The following DGKB variants were observed in gnomAD, a reference collection of about 807,000 sequenced individuals.
DGKB encodes diacylglycerol kinase beta.
In DGKB, 67 loss-of-function variants were observed where a neutral mutation model predicts 114.3. That is an observed-to-expected ratio of 0.59 (90% CI 0.48 to 0.72). The LOEUF is 0.72. Ranked by LOEUF, DGKB falls within the 30% of genes least tolerant of loss-of-function variation. The pLI, the probability that DGKB is intolerant of heterozygous loss-of-function variation, is 0.00. For missense variants in DGKB, 907 were observed against 975.2 expected, an observed-to-expected ratio of 0.93 and a Z score of 0.93; for synonymous variants, 398 against 323.1, an observed-to-expected ratio of 1.23 and a Z score of -2.49.
intron 19 of DGKB, 128 bp downstream of exon 19, chr7:14,580,734 A>G (rs771838686): frequency 3.8e-6 from 2 of 526,214 alleles, no homozygotes; most frequent in African/African-American, 1.9e-5. Flanking sequence ...AAAATCATAT[A>G]TTATATATAC....
intron 20 of DGKB, among the ~76,000 whole-genome samples, chr7:14,506,450 A>G (rs969101694): frequency 6.6e-6 from 1 of 152,236 alleles, no homozygotes; most frequent in Non-Finnish European, 1.5e-5. Flanking sequence ...CAATATGCAA[A>G]TAAAGTTTCT....
At position 14,166,056 on chromosome 7, in the gene DGKB, T is replaced by G. The variant is rs145558032; in HGVS notation, c.2304+10783A>C. On this transcript the variant is annotated intron_variant, in intron 25 of 25. Coordinates refer to ENST00000402815, the MANE Select transcript of DGKB (RefSeq NM_001350709.2). ...TTCTATAACTCTTTGTTTCATGACC[T>G]TGGACATTCACCTAACCTCATCCGT... Among the ~76,000 whole-genome samples, 492 of 152,328 alleles carry G rather than the reference T, an allele frequency of 3.2e-3. 3 individuals carry two copies. The highest frequency in any genetic ancestry group is 3.4e-3 in the Non-Finnish European group (231 of 68,024).
At chr7:14,973,127 T>C (rs1346366093) in intron 1 of DGKB, among the ~76,000 whole-genome samples, 1 of 151,960 alleles carries the variant, frequency 6.6e-6, no homozygotes, top group Admixed American at 6.6e-5. Flanking sequence ...AGGCAATCAA[T>C]TTTGAAGTTT....
At chr7:14,765,124 T>C (rs565217799) in intron 2 of DGKB, among the ~76,000 whole-genome samples, 34 of 152,128 alleles carry the variant, frequency 2.2e-4, no homozygotes, top group African/African-American at 7.7e-4. Context: ...ATCTATACAC[T>C]TGGATTTTTT....
At chr7:14,924,811 C>G (rs997197445) in intron 1 of DGKB, among the ~76,000 whole-genome samples, 2 of 151,982 alleles carry the variant, frequency 1.3e-5, no homozygotes, top group African/African-American at 2.4e-5. Flanking sequence ...ACTGAAGTAC[C>G]CTTTACCCAG....
At chr7:14,487,366 T>C (rs1259775496) in intron 20 of DGKB, among the ~76,000 whole-genome samples, 1 of 152,090 alleles carries the variant, frequency 6.6e-6, no homozygotes. Context: ...GTTAGACTAG[T>C]AAAGTGGTTT....
At chr7:14,342,312 T>C (rs1484041767) in intron 22 of DGKB, among the ~76,000 whole-genome samples, 3 of 151,868 alleles carry the variant, frequency 2.0e-5, no homozygotes, top group Admixed American at 6.6e-5. Flanking sequence ...GGCTTTCTTA[T>C]TCTCTCATTA....
chr7:14,655,585 C>T (rs1412631229), intron 13 of DGKB, among the ~76,000 whole-genome samples: 1 of 151,648 alleles, frequency 6.6e-6, no homozygotes, highest in Non-Finnish European at 1.5e-5. Flanking sequence ...ATCTTCACCC[C>T]CATGTTTATA....
intron 23 of DGKB, among the ~76,000 whole-genome samples, chr7:14,204,313 C>A (rs1166943895): frequency 6.6e-6 from 1 of 151,636 alleles, no homozygotes; most frequent in African/African-American, 2.4e-5. Flanking sequence ...ATATATGTAC[C>A]CATGTTTAAT....
chr7:14,906,025 C>T (rs542270526), upstream of DGKB, among the ~76,000 whole-genome samples: 17 of 152,152 alleles, frequency 1.1e-4, no homozygotes, highest in African/African-American at 3.9e-4. Context: ...CACAATAATG[C>T]CTGTCCTTAA....
At chr7:14,177,424 C>G (rs116352254) in intron 24 of DGKB, among the ~76,000 whole-genome samples, 4 of 151,624 alleles carry the variant, frequency 2.6e-5, no homozygotes, top group Admixed American at 6.6e-5. Flanking sequence ...GATGTGTTGG[C>G]GGGTGCCTGT....
At chr7:14,750,301 C>T in intron 4 of DGKB, 1 of 433,072 alleles carries the variant, frequency 2.3e-6, no homozygotes. Context: ...GCATTTGCTG[C>T]TGTGTCAAAT....
At chr7:14,699,051 A>T (rs1824628137) in intron 7 of DGKB, among the ~76,000 whole-genome samples, 2 of 152,088 alleles carry the variant, frequency 1.3e-5, no homozygotes, top group African/African-American at 4.8e-5. Context: ...TAGAGAAGAA[A>T]TACGATAAAA....
intron 1 of DGKB, among the ~76,000 whole-genome samples, chr7:14,852,683 C>A (rs1326576644): frequency 5.3e-5 from 8 of 152,000 alleles, no homozygotes; most frequent in Admixed American, 4.6e-4. Context: ...AAGGATAACT[C>A]TTTCCTTCCC....
chr7:14,201,618 CAAAA>C (rs1252269760), intron 23 of DGKB, among the ~76,000 whole-genome samples: 3 of 151,776 alleles, frequency 2.0e-5, no homozygotes, highest in Admixed American at 1.3e-4. Flanking sequence ...AACTAAGATG[CAAAA>C]TCCTGGGGGA....
intron 1 of DGKB, among the ~76,000 whole-genome samples, chr7:14,934,677 T>A (rs1785188682): frequency 6.6e-6 from 1 of 152,136 alleles, no homozygotes; most frequent in Non-Finnish European, 1.5e-5. Flanking sequence ...CCTGACACAA[T>A]AAAATTTATC....
intron 2 of DGKB, among the ~76,000 whole-genome samples, chr7:14,799,585 A>G (rs1841868730): frequency 6.6e-6 from 1 of 152,182 alleles, no homozygotes; most frequent in Non-Finnish European, 1.5e-5. Flanking sequence ...TAAGGTGAAG[A>G]AAAAGTTGTT....
intron 12 of DGKB, among the ~76,000 whole-genome samples, chr7:14,675,543 TG>T (rs1435362970): frequency 1.3e-5 from 2 of 151,826 alleles, no homozygotes; most frequent in Admixed American, 1.3e-4. Flanking sequence ...TATTGGGATT[TG>T]GGAGTTTCAG....
At chr7:14,968,165 CT>C (rs900910766) in intron 1 of DGKB, among the ~76,000 whole-genome samples, 2 of 150,272 alleles carry the variant, frequency 1.3e-5, no homozygotes, top group Non-Finnish European at 3.0e-5. Context: ...TTGTTCTTGT[CT>C]TTTTTTTCAA....
Sources: allele counts gnomAD v4.1 joint callset (sites outside exome capture counted in the v4.1 genomes callset), GRCh38; gene constraint gnomAD v4.1.1; transcripts MANE v1.5; gene names NCBI Gene and HGNC (gene_info 2026-07-23, HGNC 2026-07-21).